NCOR1: variants seen among roughly 807,000 people sequenced by gnomAD.
NCOR1 encodes nuclear receptor corepressor 1.
NCOR1 carries 63 observed loss-of-function variants against 288.1 expected under a neutral mutation model. That is an observed-to-expected ratio of 0.22 (90% CI 0.18 to 0.27). The LOEUF (loss-of-function observed/expected upper bound fraction) is 0.27, where lower values mean the gene tolerates loss of function less well. NCOR1 is among the 10% of genes least tolerant of loss of function. The pLI, the probability that NCOR1 is intolerant of heterozygous loss-of-function variation, is 1.00. For missense variants in NCOR1, 2,397 were observed against 3,019.2 expected, an observed-to-expected ratio of 0.79 and a Z score of 4.83; for synonymous variants, 1,007 against 1,065.9, an observed-to-expected ratio of 0.94 and a Z score of 1.08.
intron 26 of NCOR1, among the ~76,000 whole-genome samples, chr17:16,076,659 A>G (rs1226358803): frequency 6.6e-6 from 1 of 152,246 alleles, no homozygotes; most frequent in Non-Finnish European, 1.5e-5. Context: ...CTAGGCAACA[A>G]CAAACCATTT....
In NCOR1 at chr17:16,147,887, C is replaced by T. The variant is rs1238745879; in HGVS notation, c.910-1339G>A. On this transcript the variant is annotated intron_variant, in intron 9 of 45. Transcript: ENST00000268712. ...AGGCTGGAGTGCAGTGGCGCGATCTCGCTCACTGCAACCTCCGCCTCCCGG... is the reference window on the plus strand; with the variant it reads ...AGGCTGGAGTGCAGTGGCGCGATCTTGCTCACTGCAACCTCCGCCTCCCGG... Among the ~76,000 whole-genome samples, 6 of 152,238 alleles carry T rather than the reference C, an allele frequency of 3.9e-5. No individual in the cohort carries two copies. In the East Asian group the frequency reaches 7.7e-4, roughly 20 times the overall value.
At chr17:16,104,258 A>T (rs115130474) in intron 19 of NCOR1, among the ~76,000 whole-genome samples, 3,577 of 151,590 alleles carry the variant, frequency 0.024, 145 homozygotes, top group African/African-American at 0.082. Context: ...GGTTGTGAAA[A>T]CCTAAGTAAC....
chr17:16,145,480 G>A, intron 10 of NCOR1, among the ~76,000 whole-genome samples: 1 of 147,914 alleles, frequency 6.8e-6, no homozygotes, highest in East Asian at 1.9e-4. Context: ...CGCCCCGTCT[G>A]GGATGTGAGG....
chr17:16,072,170 A>T lies in NCOR1; in HGVS notation c.3870T>A (p.Thr1290=), dbSNP rs1327484968. The T allele has an allele frequency of 6.2e-7, 1 of 1,612,746 alleles. No individual in the cohort carries two copies. Among genetic ancestry groups the T allele is most frequent in the South Asian group, 1.1e-5 (1 of 90,836 alleles). The change falls in exon 29 of 46, where the codon ACT becomes ACA. Residue 1290 remains threonine, a synonymous_variant. Transcript: ENST00000268712. The part of the protein sequence containing the change: ...GSPHSDLKER[T]VLSGSIMQGT... ...CCTGCATTATGGAGCCAGACAATAC[A>T]GTCCTTTCTTTGAGGTCAGAATGAG...
intron 11 of NCOR1, among the ~76,000 whole-genome samples, chr17:16,142,218 T>C (rs2077262109): frequency 6.6e-6 from 1 of 152,212 alleles, no homozygotes; most frequent in Non-Finnish European, 1.5e-5. Context: ...CTAAGTAGTA[T>C]GAAAACAGGA....
At chr17:16,197,753 A>G (rs1320670199) in intron 1 of NCOR1, among the ~76,000 whole-genome samples, 1 of 152,144 alleles carries the variant, frequency 6.6e-6, no homozygotes, top group Non-Finnish European at 1.5e-5. Context: ...CTCCTCATCC[A>G]TACACCTGCA....
chr17:16,062,291 A>G, intron 35 of NCOR1, 21 bp from the exon 36 acceptor site: 1 of 1,569,236 alleles, frequency 6.4e-7, no homozygotes, highest in South Asian at 1.2e-5. Flanking sequence ...GAAAAAGAGA[A>G]AGAAACAAAG....
At chr17:16,154,015 CTTTTTTTTTTTTTTT>C (rs61436082) in intron 6 of NCOR1, among the ~76,000 whole-genome samples, 1 of 109,676 alleles carries the variant, frequency 9.1e-6, no homozygotes, top group Admixed American at 1.1e-4. Flanking sequence ...ATGCTATTTC[CTTTTTTTTTTTTTTT>C]TTTTTTTTTT....
At chr17:16,041,417 T>TTTTTTTTTTTTC (rs2057565621) in intron 42 of NCOR1, 1 of 149,054 alleles carries the variant, frequency 6.7e-6, no homozygotes, top group Non-Finnish European at 1.5e-5. Context: ...TTTTTTTTTT[T>TTTTTTTTTTTTC]TTTTTCCTTT....
intron 16 of NCOR1, among the ~76,000 whole-genome samples, chr17:16,120,488 A>T (rs2072766567): frequency 6.6e-6 from 1 of 152,112 alleles, no homozygotes; most frequent in Non-Finnish European, 1.5e-5. Context: ...AGTAACAATG[A>T]TACCTCTGAA....
intron 2 of NCOR1, among the ~76,000 whole-genome samples, chr17:16,193,801 G>A (rs60770606): frequency 0.097 from 14,747 of 151,728 alleles, 1,308 homozygotes; most frequent in African/African-American, 0.24. Flanking sequence ...AATCATGACT[G>A]CACTTCAAAG....
At chr17:16,183,614 C>T (rs1332303411) in intron 3 of NCOR1, among the ~76,000 whole-genome samples, 11 of 151,990 alleles carry the variant, frequency 7.2e-5, no homozygotes, top group Non-Finnish European at 7.4e-5. Context: ...AAGAGATATC[C>T]TGTGCTCATG....
intron 27 of NCOR1, among the ~76,000 whole-genome samples, chr17:16,074,993 G>A (rs141551011): frequency 0.026 from 3,980 of 151,996 alleles, 174 homozygotes; most frequent in African/African-American, 0.09. Context: ...TCAGCCTCCC[G>A]AGTAGCTGGG....
At chr17:16,135,479 G>A (rs760369854) in intron 14 of NCOR1, among the ~76,000 whole-genome samples, 2 of 151,954 alleles carry the variant, frequency 1.3e-5, no homozygotes, top group African/African-American at 4.8e-5. Flanking sequence ...TAGCCCTACC[G>A]ACCCATTTCA....
intron 2 of NCOR1, among the ~76,000 whole-genome samples, chr17:16,189,887 G>C (rs950564727): frequency 6.6e-6 from 1 of 152,158 alleles, no homozygotes; most frequent in African/African-American, 2.4e-5. Flanking sequence ...GCAAATAATA[G>C]CATATTTCAA....
At chr17:16,120,430 C>G (rs935844932) in intron 16 of NCOR1, among the ~76,000 whole-genome samples, 6 of 152,118 alleles carry the variant, frequency 3.9e-5, no homozygotes, top group Non-Finnish European at 8.8e-5. Context: ...AGTTAGTGCC[C>G]CTATCTCATT....
chr17:16,070,117 TTTTA>T (rs1409565212), intron 31 of NCOR1, 44 bp downstream of exon 31: 5 of 1,522,362 alleles, frequency 3.3e-6, no homozygotes, highest in Admixed American at 2.3e-5. Context: ...TTTTTTTTTT[TTTTA>T]AATGCAATAA....
At chr17:16,041,571 T>C (rs545580495) in intron 42 of NCOR1, among the ~76,000 whole-genome samples, 20 of 150,616 alleles carry the variant, frequency 1.3e-4, no homozygotes, top group East Asian at 9.9e-4. Flanking sequence ...CCCGCCACCA[T>C]GCCCAGCTAA....
chr17:16,144,555 G>C (rs1259928444), intron 10 of NCOR1, among the ~76,000 whole-genome samples: 4 of 152,050 alleles, frequency 2.6e-5, no homozygotes, highest in African/African-American at 9.7e-5. Context: ...ATTAAACCTA[G>C]TACCCACTAG....
Sources: gnomAD v4.1 joint callset for allele counts (sites outside exome capture counted in the v4.1 genomes callset) on GRCh38, gnomAD v4.1.1 for gene constraint, MANE v1.5 for transcripts, NCBI Gene and HGNC (gene_info 2026-07-23, HGNC 2026-07-21) for gene names.